Variants in POLR3B observed in about 807,000 individuals in gnomAD.
POLR3B encodes DNA-directed RNA polymerase III subunit RPC2.
A neutral mutation model predicts 147.4 loss-of-function variants in POLR3B; 96 were observed. The observed-to-expected ratio is 0.65, with a 90% CI of 0.55 to 0.77. POLR3B has a LOEUF of 0.77. POLR3B is among the 30% of genes least tolerant of loss of function. The pLI, the probability that POLR3B is intolerant of heterozygous loss-of-function variation, is 0.00. For missense variants in POLR3B, 1,036 were observed against 1,413.5 expected, an observed-to-expected ratio of 0.73 and a Z score of 4.28; for synonymous variants, 461 against 485.9, an observed-to-expected ratio of 0.95 and a Z score of 0.67.
intron 9 of POLR3B, among the ~76,000 whole-genome samples, chr12:106,384,013 T>C (rs2136906417): frequency 6.6e-6 from 1 of 151,162 alleles, no homozygotes; most frequent in Admixed American, 6.6e-5. Flanking sequence ...AAAAAGATCA[T>C]TGATCACAGG....
intron 12 of POLR3B, among the ~76,000 whole-genome samples, chr12:106,411,750 A>G (rs1002226362): frequency 1.3e-5 from 2 of 152,176 alleles, no homozygotes; most frequent in African/African-American, 4.8e-5. Flanking sequence ...GGATATCTCT[A>G]ATCTCATTTT....
intron 23 of POLR3B, among the ~76,000 whole-genome samples, chr12:106,480,849 G>C (rs2038256824): frequency 6.6e-6 from 1 of 151,938 alleles, no homozygotes; most frequent in Non-Finnish European, 1.5e-5. Context: ...AAGTGCTGAG[G>C]GAATGATATG....
chr12:106,496,277 T>C (rs1463854624), intron 24 of POLR3B, 119 bp downstream of exon 24: 2 of 754,068 alleles, frequency 2.7e-6, no homozygotes, highest in Non-Finnish European at 4.8e-6. Context: ...GTAGAGCTCT[T>C]CTGCCCCTTG....
intron 23 of POLR3B, among the ~76,000 whole-genome samples, chr12:106,486,439 T>C (rs2038340947): frequency 6.6e-6 from 1 of 152,106 alleles, no homozygotes; most frequent in South Asian, 2.1e-4. Flanking sequence ...TTAAATCTGG[T>C]TAAAGGTGGC....
intron 15 of POLR3B, among the ~76,000 whole-genome samples, 177 bp downstream of exon 15, chr12:106,432,657 T>A (rs1360401678): frequency 1.3e-5 from 2 of 152,198 alleles, no homozygotes; most frequent in African/African-American, 4.8e-5. Context: ...GGCTGGGTTA[T>A]CCAAGGTTCT....
At chr12:106,366,365 A>C (rs1264021130) in intron 2 of POLR3B, 151 bp from the exon 3 acceptor site, 2 of 675,716 alleles carry the variant, frequency 3.0e-6, no homozygotes, top group Non-Finnish European at 5.4e-6. Flanking sequence ...TATTAAATAA[A>C]ATTCATGGAT....
At chr12:106,499,067 A>C (rs962017589) in intron 25 of POLR3B, among the ~76,000 whole-genome samples, 8 of 152,232 alleles carry the variant, frequency 5.3e-5, no homozygotes, top group Non-Finnish European at 1.0e-4. Context: ...TGGATTTCTT[A>C]GGTGTATCAT....
intron 20 of POLR3B, 24 bp from the exon 21 acceptor site, chr12:106,457,114 A>T: frequency 1.2e-6 from 2 of 1,606,462 alleles, no homozygotes; most frequent in Non-Finnish European, 1.7e-6. Flanking sequence ...GGTGGTTCTA[A>T]TGCCCATCTT....
At chr12:106,441,442 C>T (rs1593043218) in intron 18 of POLR3B, among the ~76,000 whole-genome samples, 2 of 152,150 alleles carry the variant, frequency 1.3e-5, no homozygotes, top group African/African-American at 4.8e-5. Context: ...GCATATTACT[C>T]TACTGAACAT....
chr12:106,506,826 C>G (rs948708773), intron 27 of POLR3B, among the ~76,000 whole-genome samples: 1 of 152,138 alleles, frequency 6.6e-6, no homozygotes, highest in Non-Finnish European at 1.5e-5. Flanking sequence ...GCCTCGGGTG[C>G]TGCTTTCTGG....
chr12:106,434,338 G>A (rs1002226977), intron 16 of POLR3B, among the ~76,000 whole-genome samples: 3 of 152,116 alleles, frequency 2.0e-5, no homozygotes, highest in East Asian at 3.9e-4. Flanking sequence ...TTCGTTTGAC[G>A]CATGATTTTG....
intron 11 of POLR3B, among the ~76,000 whole-genome samples, chr12:106,407,847 T>C (rs2037170217): frequency 6.6e-6 from 1 of 152,068 alleles, no homozygotes; most frequent in Non-Finnish European, 1.5e-5. Flanking sequence ...AAAAATCATT[T>C]GTGCTTTTCT....
intron 18 of POLR3B, among the ~76,000 whole-genome samples, chr12:106,441,909 T>C (rs1253032020): frequency 2.6e-5 from 4 of 152,158 alleles, no homozygotes; most frequent in African/African-American, 9.6e-5. Flanking sequence ...GGAGAAACCC[T>C]ATCTCTACTA....
chr12:106,459,419 A>T (rs1157266230), intron 22 of POLR3B, 51 bp downstream of exon 22: 3 of 989,488 alleles, frequency 3.0e-6, no homozygotes, highest in Non-Finnish European at 4.9e-6. Context: ...GAAAAAGAGA[A>T]GAAATGGGAG....
chr12:106,433,695 T>C, intron 15 of POLR3B, 24 bp from the exon 16 acceptor site: 1 of 1,604,164 alleles, frequency 6.2e-7, no homozygotes, highest in Non-Finnish European at 8.5e-7. Context: ...ATTTCTGTCT[T>C]ACCTGTTCTT....
At chr12:106,441,281 C>T (rs1019231715) in intron 18 of POLR3B, among the ~76,000 whole-genome samples, 2 of 152,096 alleles carry the variant, frequency 1.3e-5, no homozygotes, top group East Asian at 1.9e-4. Context: ...GATGGGGATG[C>T]GTTCTGAGAA....
At chr12:106,386,066 C>A (rs2036832076) in intron 9 of POLR3B, among the ~76,000 whole-genome samples, 1 of 152,164 alleles carries the variant, frequency 6.6e-6, no homozygotes, top group Non-Finnish European at 1.5e-5. Context: ...TCTAACGGGG[C>A]TGGGCGCGGT....
intron 22 of POLR3B, among the ~76,000 whole-genome samples, chr12:106,460,999 C>A (rs879908322): frequency 2.6e-5 from 4 of 152,134 alleles, no homozygotes; most frequent in Admixed American, 2.0e-4. Context: ...TGCTCCCTAA[C>A]CCTCGGAACT....
At chr12:106,382,437 A>G (rs2036777008) in intron 9 of POLR3B, among the ~76,000 whole-genome samples, 2 of 152,312 alleles carry the variant, frequency 1.3e-5, no homozygotes, top group East Asian at 3.9e-4. Flanking sequence ...GAAGGTTTCC[A>G]GTTTATTTTG....
Sources: allele counts gnomAD v4.1 joint callset (sites outside exome capture counted in the v4.1 genomes callset), GRCh38; gene constraint gnomAD v4.1.1; transcripts MANE v1.5; gene names NCBI Gene and HGNC (gene_info 2026-07-23, HGNC 2026-07-21).